The following BCAS3 variants were observed in gnomAD, a reference collection of about 807,000 sequenced individuals.
BCAS3 encodes BCAS4/BCAS3 fusion.
BCAS3 carries 53 observed loss-of-function variants against 116.1 expected under a neutral mutation model. The ratio of observed to expected loss-of-function variants is 0.46; its 90% CI spans 0.37 to 0.57. The LOEUF (loss-of-function observed/expected upper bound fraction) is 0.57. Ranked by LOEUF, BCAS3 falls within the 20% of genes least tolerant of loss-of-function variation. The pLI is 0.00. For synonymous variants in BCAS3, 391 were observed against 408.2 expected (o/e 0.96, Z 0.51); for missense variants, 917 against 1,165.4 (o/e 0.79, Z 3.10).
Position 61,229,675 on chromosome 17 carries a change from T to A in BCAS3, c.2426-138652T>A, listed in dbSNP as rs1171086001. 6.6e-6 allele frequency among the ~76,000 whole-genome samples: 1 copy of A among 152,242 alleles called. No homozygotes were observed. Among genetic ancestry groups the A allele is most frequent in the Non-Finnish European group, 1.5e-5 (1 of 68,028 alleles). On this transcript the variant is annotated intron_variant, in intron 22 of 23. Transcript: ENST00000407086. This position sits in a 1 kb window ranked among gnomAD's most constrained non-coding sequence, Gnocchi z 4.4. ...TCCAGGCAGCCTCAGTCCACGTTCA[T>A]GAGCCACATTCTTGTGCTTCTCCAT...
chr17:60,889,644 A>G lies in BCAS3; in HGVS notation c.662-51A>G, dbSNP rs1459757788. ...TCTGGCATCGATATATGATGCACCAACAGAAAAGTTATTAAGAAATTTCTC... is the reference window on the plus strand; with the variant it reads ...TCTGGCATCGATATATGATGCACCAGCAGAAAAGTTATTAAGAAATTTCTC... On this transcript the variant is annotated intron_variant, in intron 9 of 23. Coordinates refer to ENST00000407086, the MANE Select transcript of BCAS3 (RefSeq NM_017679.5). 7 of 1,468,550 alleles carry G rather than the reference A, an allele frequency of 4.8e-6. No homozygotes were observed. The Admixed American group carries it at 1.0e-4, about 21-fold the overall frequency. 91.0% of individuals were successfully genotyped at this position (1,468,550 alleles called of 1,614,324 possible). A position where few individuals can be genotyped will look rare whatever the true frequency, so the allele number is the denominator to read the frequency against.
At chr17:60,935,931 T>C (rs1235748641) in intron 13 of BCAS3, among the ~76,000 whole-genome samples, 1 of 151,988 alleles carries the variant, frequency 6.6e-6, no homozygotes, top group Non-Finnish European at 1.5e-5. Context: ...TATGTATACA[T>C]GTGCCATGTT....
chr17:61,304,665 C>G (rs2053698826), intron 22 of BCAS3, among the ~76,000 whole-genome samples: 1 of 152,158 alleles, frequency 6.6e-6, no homozygotes, highest in Non-Finnish European at 1.5e-5. Context: ...CTCAATGTCC[C>G]TGACACAGGT....
At chr17:60,947,818 C>T (rs992077323) in intron 14 of BCAS3, among the ~76,000 whole-genome samples, 2 of 152,068 alleles carry the variant, frequency 1.3e-5, no homozygotes, top group Non-Finnish European at 2.9e-5. Flanking sequence ...CTAGTGAGAA[C>T]CAGTTGCGCA....
chr17:60,723,354 A>G (rs2039454203), intron 5 of BCAS3, among the ~76,000 whole-genome samples: 5 of 152,040 alleles, frequency 3.3e-5, no homozygotes, highest in Admixed American at 2.6e-4. Flanking sequence ...CCTCCTGAGT[A>G]GCTGGGACTA....
At chr17:60,917,664 G>A (rs1388494736) in intron 12 of BCAS3, among the ~76,000 whole-genome samples, 1 of 151,920 alleles carries the variant, frequency 6.6e-6, no homozygotes, top group East Asian at 1.9e-4. Context: ...CACAATGTTG[G>A]CCCACTGCAA....
chr17:61,059,885 G>A (rs1170238463), intron 19 of BCAS3, among the ~76,000 whole-genome samples: 1 of 152,006 alleles, frequency 6.6e-6, no homozygotes, highest in Non-Finnish European at 1.5e-5. Flanking sequence ...AATTAGCCGG[G>A]CGTGGTGGCG....
In BCAS3 at chr17:60,928,373, A is replaced by G. The variant is rs150858198; in HGVS notation, c.1087+3873A>G. ...TTTGAATGAAAGAGGCAAGAAAAAT[A>G]TGGTACATTTGAAATAGATTGTGAA... On this transcript the variant is annotated intron_variant, in intron 13 of 23. Transcript: ENST00000407086. Among the ~76,000 whole-genome samples, 410 of 152,340 alleles carry G rather than the reference A, an allele frequency of 2.7e-3. 3 individuals are homozygous for G. Among genetic ancestry groups the G allele is most frequent in the African/African-American group, 9.4e-3 (389 of 41,574 alleles).
chr17:61,111,564 C>T (rs1332823683), intron 22 of BCAS3, among the ~76,000 whole-genome samples: 2 of 150,860 alleles, frequency 1.3e-5, no homozygotes, highest in Non-Finnish European at 3.0e-5. Flanking sequence ...TGAGCAAAGC[C>T]TCCAAGAAAT....
chr17:61,134,224 C>T lies in BCAS3; in HGVS notation c.2425+49660C>T, dbSNP rs1055758358. Among the ~76,000 whole-genome samples the T allele has an allele frequency of 2.0e-5, 3 of 152,122 alleles. No individual in the cohort carries two copies. The highest frequency in any genetic ancestry group is 4.4e-5 in the Non-Finnish European group (3 of 68,032). On this transcript the variant is annotated intron_variant, in intron 22 of 23. Coordinates refer to ENST00000407086, the MANE Select transcript of BCAS3 (RefSeq NM_017679.5). The surrounding 1 kb of genome is among the most constrained non-coding windows in gnomAD (Gnocchi z 4.6). ...TCCTAAAAAGAAAGGGAAGAAATAC[C>T]ATTTCGTAATAAGAAGATGAGGATC...
intron 16 of BCAS3, among the ~76,000 whole-genome samples, chr17:61,018,659 G>C (rs1280083518): frequency 6.6e-6 from 1 of 151,952 alleles, no homozygotes; most frequent in African/African-American, 2.4e-5. Context: ...CCCTCTGCCT[G>C]CATAAACACT....
At chr17:60,791,360 A>G (rs1394660266) in intron 6 of BCAS3, among the ~76,000 whole-genome samples, 4 of 152,160 alleles carry the variant, frequency 2.6e-5, no homozygotes, top group Admixed American at 2.6e-4. Context: ...TAATGTTACA[A>G]ATGCTTTCTA....
At chr17:60,678,959 C>T (rs887532694) in intron 1 of BCAS3, among the ~76,000 whole-genome samples, 1 of 152,200 alleles carries the variant, frequency 6.6e-6, no homozygotes, top group African/African-American at 2.4e-5. Context: ...CGCGGTGGCT[C>T]AAGCCTATAA....
Position 60,994,960 on chromosome 17 carries a change from A to G in BCAS3, c.1486+4725A>G, listed in dbSNP as rs1219499729. Among the ~76,000 whole-genome samples, 3 of 152,106 alleles carry G rather than the reference A, an allele frequency of 2.0e-5. No homozygotes were observed. Among genetic ancestry groups the G allele is most frequent in the Admixed American group, 6.5e-5 (1 of 15,268 alleles). Reference sequence around the variant, plus strand: ...TTGGTGTTTCTATTTGTATCTTGGCAGTTGACATAGATTCTAAGGCCTTTT... The same window carrying G: ...TTGGTGTTTCTATTTGTATCTTGGCGGTTGACATAGATTCTAAGGCCTTTT... On this transcript the variant is annotated intron_variant, in intron 15 of 23. Transcript: ENST00000407086. This position sits in a 1 kb window ranked among gnomAD's most constrained non-coding sequence, Gnocchi z 4.4.
At chr17:61,341,339 C>CG (rs1009799149) in intron 22 of BCAS3, among the ~76,000 whole-genome samples, 1 of 152,142 alleles carries the variant, frequency 6.6e-6, no homozygotes, top group African/African-American at 2.4e-5. Flanking sequence ...GAGAGGACTC[C>CG]GGGGCAGGCG....
intron 22 of BCAS3, among the ~76,000 whole-genome samples, chr17:61,089,612 C>G (rs1340496147): frequency 6.9e-6 from 1 of 144,448 alleles, no homozygotes; most frequent in African/African-American, 2.6e-5. Context: ...TCACTGCAAC[C>G]TCCGCCTCCT....
At chr17:60,700,672 A>G (rs1360534700) in intron 4 of BCAS3, among the ~76,000 whole-genome samples, 2 of 152,234 alleles carry the variant, frequency 1.3e-5, no homozygotes, top group East Asian at 1.9e-4. Flanking sequence ...AGGAGTGACT[A>G]GAGAAAGTGA....
intron 7 of BCAS3, among the ~76,000 whole-genome samples, chr17:60,854,599 C>T (rs555431522): frequency 1.3e-5 from 2 of 152,300 alleles, no homozygotes; most frequent in South Asian, 2.1e-4. Flanking sequence ...AAAAAATGCT[C>T]ATTATCACTG....
chr17:60,968,403 G>T lies in BCAS3; in HGVS notation c.1221+21051G>T, dbSNP rs546822605. On this transcript the variant is annotated intron_variant, in intron 14 of 23. Coordinates refer to ENST00000407086, the MANE Select transcript of BCAS3 (RefSeq NM_017679.5). ...GCTAACTTTAAAAAGAATTTTTTTT[G>T]TTGTTGTTGTTAGAGACAGACTCTC... Among the ~76,000 whole-genome samples, 11 of 151,974 alleles carry T rather than the reference G, an allele frequency of 7.2e-5. No individual in the cohort carries two copies. In the East Asian group the frequency reaches 9.7e-4, roughly 13 times the overall value.
Sources: gnomAD v4.1 joint callset for allele counts (sites outside exome capture counted in the v4.1 genomes callset) on GRCh38, gnomAD v4.1.1 for gene constraint, Gnocchi (gnomAD v3.1) non-coding constraint, MANE v1.5 for transcripts, NCBI Gene and HGNC (gene_info 2026-07-23, HGNC 2026-07-21) for gene names.